The following SNTG2 variants were observed in gnomAD, a reference collection of about 807,000 sequenced individuals.
SNTG2 encodes syntrophin gamma 2.
A neutral mutation model predicts 70.9 loss-of-function variants in SNTG2; 74 were observed. The observed-to-expected ratio is 1.04, with a 90% CI of 0.86 to 1.27. The LOEUF (loss-of-function observed/expected upper bound fraction) is 1.27, where lower values mean the gene tolerates loss of function less well. SNTG2 is among the 50% of genes most tolerant of loss of function. The pLI, the probability that SNTG2 is intolerant of heterozygous loss-of-function variation, is 0.00. For missense variants in SNTG2, 717 were observed against 690.7 expected (o/e 1.04, Z -0.43); for synonymous variants, 278 against 273.8 (o/e 1.02, Z -0.15).
intron 8 of SNTG2, among the ~76,000 whole-genome samples, chr2:1,181,220 TAATAA>T (rs1553348618): frequency 2.9e-4 from 44 of 151,780 alleles, no homozygotes; most frequent in Non-Finnish European, 5.7e-4. Context: ...AGTATAATAA[TAATAA>T]AATAAATAAA....
intron 9 of SNTG2, among the ~76,000 whole-genome samples, chr2:1,219,068 C>A (rs1332511625): frequency 1.3e-5 from 2 of 152,074 alleles, no homozygotes; most frequent in Admixed American, 1.3e-4. Context: ...GATCACGGGG[C>A]AGATTTCTCA....
chr2:1,104,048 T>G (rs902882539), intron 4 of SNTG2, among the ~76,000 whole-genome samples: 1 of 152,238 alleles, frequency 6.6e-6, no homozygotes, highest in African/African-American at 2.4e-5. Flanking sequence ...AGATGATGAC[T>G]AGGATTTTCA....
At chr2:1,220,841 GGTGCCC>G (rs1674708212) in intron 9 of SNTG2, among the ~76,000 whole-genome samples, 1 of 152,170 alleles carries the variant, frequency 6.6e-6, no homozygotes, top group Non-Finnish European at 1.5e-5. Context: ...TGTCTTCCGT[GGTGCCC>G]AGCCCTGGGC....
intron 1 of SNTG2, among the ~76,000 whole-genome samples, chr2:992,236 T>C (rs988278098): frequency 1.3e-5 from 2 of 151,990 alleles, no homozygotes. Context: ...AAAAGAAATA[T>C]TGGGGAAATT....
chr2:1,307,517 C>T (rs1680753672), intron 14 of SNTG2, among the ~76,000 whole-genome samples: 1 of 151,280 alleles, frequency 6.6e-6, no homozygotes, highest in Non-Finnish European at 1.5e-5. Context: ...CATCAAGCAC[C>T]CATTTCCCAC....
chr2:1,050,683 A>G (rs1299498930), intron 1 of SNTG2, among the ~76,000 whole-genome samples: 5 of 152,122 alleles, frequency 3.3e-5, no homozygotes, highest in Non-Finnish European at 5.9e-5. Context: ...CCCTTTATGA[A>G]TTTTTATGAC....
intron 8 of SNTG2, among the ~76,000 whole-genome samples, chr2:1,175,154 G>A (rs753282015): frequency 5.3e-5 from 8 of 152,156 alleles, no homozygotes; most frequent in Non-Finnish European, 1.2e-4. Context: ...TTAAAGCTGT[G>A]AAAGGTAGAG....
intron 1 of SNTG2, among the ~76,000 whole-genome samples, chr2:989,178 G>C (rs901114906): frequency 6.6e-6 from 1 of 152,168 alleles, no homozygotes; most frequent in Admixed American, 6.5e-5. Context: ...CTGGGATAAA[G>C]ATAGTGTTAC....
chr2:1,235,964 G>A (rs1463985444), intron 9 of SNTG2, among the ~76,000 whole-genome samples: 3 of 152,164 alleles, frequency 2.0e-5, no homozygotes, highest in Non-Finnish European at 2.9e-5. Context: ...TGTGTGTCCT[G>A]TAGCTCAATG....
intron 4 of SNTG2, among the ~76,000 whole-genome samples, chr2:1,109,708 C>T (rs553364821): frequency 6.6e-6 from 1 of 152,188 alleles, no homozygotes; most frequent in South Asian, 2.1e-4. Context: ...CAGTTTAATT[C>T]CACTTAAATA....
Position 970,176 on chromosome 2 carries a change from T to C in SNTG2, c.72+19108T>C, listed in dbSNP as rs535644980. Among the ~76,000 whole-genome samples the C allele has an allele frequency of 2.0e-5, 3 of 152,352 alleles. No homozygotes were observed. The East Asian group carries it at 5.8e-4, about 29-fold the overall frequency. On this transcript the variant is annotated intron_variant, in intron 1 of 16. Transcript: ENST00000308624. Reference sequence around the variant, plus strand: ...TGATGAATTACATTTATTTGTTTTGTATGTTGAACCAACCTTGCATCCCAG... The same window carrying C: ...TGATGAATTACATTTATTTGTTTTGCATGTTGAACCAACCTTGCATCCCAG...
chr2:1,229,143 G>T (rs532231219), intron 9 of SNTG2, among the ~76,000 whole-genome samples: 3 of 152,138 alleles, frequency 2.0e-5, no homozygotes, highest in African/African-American at 7.2e-5. Flanking sequence ...GAAGGGGACC[G>T]GAGCGGGTTG....
At chr2:1,029,997 C>T (rs1293281954) in intron 1 of SNTG2, among the ~76,000 whole-genome samples, 12 of 152,206 alleles carry the variant, frequency 7.9e-5, no homozygotes, top group African/African-American at 2.4e-4. Context: ...CAGAGTGACT[C>T]GGCAGCCATT....
At chr2:1,302,559 G>A (rs1419196289) in intron 14 of SNTG2, among the ~76,000 whole-genome samples, 59 of 136,088 alleles carry the variant, frequency 4.3e-4, no homozygotes, top group African/African-American at 1.6e-3. Flanking sequence ...AAAAAAAAAA[G>A]TTTAAGTAAC....
chr2:1,023,360 A>G (rs555042807), intron 1 of SNTG2, among the ~76,000 whole-genome samples: 1 of 152,206 alleles, frequency 6.6e-6, no homozygotes, highest in East Asian at 1.9e-4. Flanking sequence ...GTGAGTGGCC[A>G]TGACATTGGG....
At chr2:1,239,339 C>G (rs1676898896) in intron 10 of SNTG2, among the ~76,000 whole-genome samples, 1 of 152,174 alleles carries the variant, frequency 6.6e-6, no homozygotes, top group Non-Finnish European at 1.5e-5. Flanking sequence ...CAACATCTAC[C>G]TCCATAGGTC....
intron 1 of SNTG2, among the ~76,000 whole-genome samples, chr2:1,052,295 C>T (rs1242459685): frequency 2.0e-5 from 3 of 152,106 alleles, no homozygotes; most frequent in South Asian, 4.1e-4. Flanking sequence ...TTTTAAGTTA[C>T]GTACAGGAAT....
intron 11 of SNTG2, among the ~76,000 whole-genome samples, chr2:1,243,061 C>A (rs1677152536): frequency 6.6e-6 from 1 of 152,190 alleles, no homozygotes; most frequent in Non-Finnish European, 1.5e-5. Flanking sequence ...CCAACAATAG[C>A]AAAGCTATAA....
intron 4 of SNTG2, among the ~76,000 whole-genome samples, chr2:1,119,428 T>G (rs1317273721): frequency 6.6e-6 from 1 of 152,080 alleles, no homozygotes. Context: ...ATGTCTCCAG[T>G]ATGAAGGTAA....
Sources: allele counts gnomAD v4.1 joint callset (sites outside exome capture counted in the v4.1 genomes callset), GRCh38; gene constraint gnomAD v4.1.1; transcripts MANE v1.5; gene names NCBI Gene and HGNC (gene_info 2026-07-23, HGNC 2026-07-21).